The following PRKAR1B variants were observed in gnomAD, a reference collection of about 807,000 sequenced individuals.
The protein encoded by PRKAR1B is cAMP-dependent protein kinase type I-beta regulatory subunit.
Under a neutral mutation model 46.5 loss-of-function variants are expected in PRKAR1B, and 22 were observed. The observed-to-expected ratio is 0.47, with a 90% CI of 0.34 to 0.68. The LOEUF (loss-of-function observed/expected upper bound fraction) is 0.68, where lower values mean the gene tolerates loss of function less well. PRKAR1B is among the 30% of genes least tolerant of loss of function. The pLI, the probability that PRKAR1B is intolerant of heterozygous loss-of-function variation, is 0.01. For missense variants in PRKAR1B, 445 were observed against 535.6 expected (o/e 0.83, Z 1.67); for synonymous variants, 259 against 217.7 (o/e 1.19, Z -1.67).
At chr7:631,201 T>G (rs908554042) in intron 4 of PRKAR1B, among the ~76,000 whole-genome samples, 1 of 152,214 alleles carries the variant, frequency 6.6e-6, no homozygotes, top group Non-Finnish European at 1.5e-5. Context: ...TCCGCCCACC[T>G]TGAACTCCCA....
intron 9 of PRKAR1B, among the ~76,000 whole-genome samples, chr7:570,306 C>T (rs2128435200): frequency 6.6e-6 from 1 of 152,346 alleles, no homozygotes; most frequent in South Asian, 2.1e-4. Context: ...TCACTTGGCT[C>T]TCAGAAGAGG....
At chr7:550,632 G>C in intron 10 of PRKAR1B, 30 bp from the exon 11 acceptor site, 1 of 1,508,554 alleles carries the variant, frequency 6.6e-7, no homozygotes, top group Non-Finnish European at 8.8e-7. Context: ...GTCAGGGCTG[G>C]GCCTGGGGGT....
intron 4 of PRKAR1B, among the ~76,000 whole-genome samples, chr7:655,984 G>GA (rs1454304914): frequency 2.0e-5 from 3 of 152,158 alleles, no homozygotes; most frequent in African/African-American, 7.2e-5. Context: ...CACTGAGTCA[G>GA]AAAAATCCAT....
chr7:557,885 C>G (rs1050526878), intron 9 of PRKAR1B, among the ~76,000 whole-genome samples: 2 of 152,144 alleles, frequency 1.3e-5, no homozygotes, highest in Non-Finnish European at 2.9e-5. Context: ...TTGATTCTAA[C>G]CCGACTCTAA....
intron 9 of PRKAR1B, among the ~76,000 whole-genome samples, chr7:571,458 GAA>G (rs1267927362): frequency 6.6e-6 from 1 of 152,240 alleles, no homozygotes; most frequent in African/African-American, 2.4e-5. Flanking sequence ...GATGAGCCAG[GAA>G]AAGTTCCCAG....
intron 4 of PRKAR1B, among the ~76,000 whole-genome samples, chr7:620,262 G>A (rs541772424): frequency 3.3e-5 from 5 of 152,282 alleles, no homozygotes; most frequent in East Asian, 1.9e-4. Flanking sequence ...ACATCATCAC[G>A]TTGAGTCATT....
intron 4 of PRKAR1B, among the ~76,000 whole-genome samples, chr7:640,807 CAG>C (rs71016896): frequency 0.33 from 25,738 of 77,638 alleles, 2,748 homozygotes; most frequent in Middle Eastern, 0.46. Context: ...CACACACACA[CAG>C]ACACAAATGA....
chr7:720,535 ATGAC>A (rs1781037364), intron 1 of PRKAR1B, among the ~76,000 whole-genome samples: 1 of 152,340 alleles, frequency 6.6e-6, no homozygotes, highest in Non-Finnish European at 1.5e-5. Flanking sequence ...CTATACCTTA[ATGAC>A]TATCTGCCTA....
At chr7:694,911 C>T (rs1375228510) in intron 2 of PRKAR1B, among the ~76,000 whole-genome samples, 2 of 152,002 alleles carry the variant, frequency 1.3e-5, no homozygotes, top group Non-Finnish European at 2.9e-5. Flanking sequence ...TGGTGGGCAC[C>T]TGTCATCCCA....
chr7:593,042 T>C lies in PRKAR1B; in HGVS notation c.708+3104A>G, dbSNP rs1371377205. 6.6e-6 allele frequency among the ~76,000 whole-genome samples: 1 copy of C among 151,632 alleles called. No homozygotes were observed. Among genetic ancestry groups the C allele is most frequent in the Non-Finnish European group, 1.5e-5 (1 of 67,938 alleles). Reference sequence around the variant, plus strand: ...CAGTGAGACATTGTTTCAAAAAAATTAAAAAAAACAAAAAGGTAAGAAAGA... The same window carrying C: ...CAGTGAGACATTGTTTCAAAAAAATCAAAAAAAACAAAAAGGTAAGAAAGA... On this transcript the variant is annotated intron_variant, in intron 7 of 10. Transcript: ENST00000537384. The surrounding 1 kb of genome is among the most constrained non-coding windows in gnomAD (Gnocchi z 6.1).
chr7:567,498 A>T (rs1221876384), intron 9 of PRKAR1B, among the ~76,000 whole-genome samples: 6 of 147,234 alleles, frequency 4.1e-5, no homozygotes, highest in Non-Finnish European at 9.0e-5. Flanking sequence ...CACCATCACC[A>T]TCATCACCAT....
chr7:577,278 G>A (rs1313962575), intron 9 of PRKAR1B, among the ~76,000 whole-genome samples: 2 of 152,196 alleles, frequency 1.3e-5, no homozygotes, highest in East Asian at 3.9e-4. Context: ...CAGCCCCCAG[G>A]GCAGAGAGGT....
chr7:593,523 C>T lies in PRKAR1B; in HGVS notation c.708+2623G>A, dbSNP rs753664205. ...AATATAAGGTTCCAGCCACAAAAAT[C>T]CCCCAGCCGGGAGCGACAGGGCGTC... is the stretch of plus-strand genomic sequence containing the variant. On this transcript the variant is annotated intron_variant, in intron 7 of 10. Coordinates refer to ENST00000537384, the MANE Select transcript of PRKAR1B (RefSeq NM_001164760.2). The surrounding 1 kb of genome is among the most constrained non-coding windows in gnomAD (Gnocchi z 6.1). Among the ~76,000 whole-genome samples, 34 of 152,188 alleles carry T rather than the reference C, an allele frequency of 2.2e-4. No individual in the cohort carries two copies. The highest frequency in any genetic ancestry group is 4.1e-4 in the Non-Finnish European group (28 of 68,028).
chr7:577,036 G>A (rs934533755), intron 9 of PRKAR1B, among the ~76,000 whole-genome samples: 10 of 138,224 alleles, frequency 7.2e-5, no homozygotes, highest in Admixed American at 2.8e-4. Flanking sequence ...CGCCATCAGC[G>A]GCCCCGTCCA....
intron 3 of PRKAR1B, among the ~76,000 whole-genome samples, chr7:678,546 C>T (rs73256227): frequency 0.09 from 13,688 of 152,232 alleles, 1,603 homozygotes; most frequent in African/African-American, 0.28. Context: ...AGAAGCACTA[C>T]GAACATTTCA....
At chr7:642,399 C>T (rs1341863918) in intron 4 of PRKAR1B, among the ~76,000 whole-genome samples, 5 of 152,128 alleles carry the variant, frequency 3.3e-5, no homozygotes, top group Non-Finnish European at 7.3e-5. Flanking sequence ...TGAATTTTAT[C>T]ATATATGAAT....
rs971737374 is a variant in PRKAR1B at position 640,246 on chromosome 7, G to A, written c.441-32794C>T. ...AAACACCATTAAGAAAATGAAGACAGCAAACCACAGACTGGGGAAAATATC... is the reference window on the plus strand; with the variant it reads ...AAACACCATTAAGAAAATGAAGACAACAAACCACAGACTGGGGAAAATATC... On this transcript the variant is annotated intron_variant, in intron 4 of 10. Transcript: ENST00000537384. 5.9e-5 allele frequency among the ~76,000 whole-genome samples: 9 copies of A among 151,992 alleles called. No individual in the cohort carries two copies. The South Asian group carries it at 1.9e-3, about 32-fold the overall frequency.
intron 2 of PRKAR1B, among the ~76,000 whole-genome samples, chr7:698,206 A>G (rs1396773303): frequency 6.6e-6 from 1 of 152,014 alleles, no homozygotes; most frequent in Non-Finnish European, 1.5e-5. Flanking sequence ...GGAGTTCAAG[A>G]CCAGCCTGGG....
In PRKAR1B at chr7:573,651, C is replaced by G. The variant is rs142395462; in HGVS notation, c.891+5605G>C. ...GTAACGGCCTTCAGCAGATGTGCCA[C>G]TGCGGGGCCTGGCTCCCACAGCCCG... On this transcript the variant is annotated intron_variant, in intron 9 of 10. Coordinates refer to ENST00000537384, the MANE Select transcript of PRKAR1B (RefSeq NM_001164760.2). Among the ~76,000 whole-genome samples the G allele has an allele frequency of 3.5e-3, 531 of 152,378 alleles. 3 individuals are homozygous for G. The highest frequency in any genetic ancestry group is 0.012 in the African/African-American group (506 of 41,596).
Sources: allele counts gnomAD v4.1 joint callset (sites outside exome capture counted in the v4.1 genomes callset), GRCh38; gene constraint gnomAD v4.1.1; non-coding constraint Gnocchi (gnomAD v3.1); transcripts MANE v1.5; gene names NCBI Gene and HGNC (gene_info 2026-07-23, HGNC 2026-07-21).